The following ZHX2 variants were observed in gnomAD, a reference collection of about 807,000 sequenced individuals.
ZHX2 encodes the protein zinc fingers and homeoboxes 2.
A neutral mutation model predicts 21.9 loss-of-function variants in ZHX2; 6 were observed. The observed-to-expected ratio is 0.27, with a 90% CI of 0.15 to 0.54. ZHX2 has a LOEUF of 0.54. Among genes scored for constraint, ZHX2 ranks in the 20% least tolerant of loss-of-function variants. The pLI is 0.95. For missense variants in ZHX2, 908 were observed against 1,090.7 expected, an observed-to-expected ratio of 0.83 and a Z score of 2.36; for synonymous variants, 434 against 437.1, an observed-to-expected ratio of 0.99 and a Z score of 0.09.
intron 1 of ZHX2, among the ~76,000 whole-genome samples, chr8:122,791,008 A>G (rs1479948991): frequency 1.3e-5 from 2 of 152,182 alleles, no homozygotes; most frequent in Non-Finnish European, 2.9e-5. Context: ...CTTGTGCCAC[A>G]CTGATGTTCA....
chr8:122,814,238 G>T (rs1817985264), intron 1 of ZHX2, among the ~76,000 whole-genome samples: 1 of 152,212 alleles, frequency 6.6e-6, no homozygotes, highest in South Asian at 2.1e-4. Context: ...AAGTAAGCCA[G>T]TTGCTAGGAT....
chr8:122,906,831 C>T (rs374993205), intron 2 of ZHX2, among the ~76,000 whole-genome samples: 87 of 151,838 alleles, frequency 5.7e-4, no homozygotes, highest in East Asian at 9.7e-4. Flanking sequence ...CCACCACGCC[C>T]GGGTAATTTT....
chr8:122,907,730 T>C (rs1292699837), intron 2 of ZHX2, among the ~76,000 whole-genome samples: 1 of 152,174 alleles, frequency 6.6e-6, no homozygotes, highest in East Asian at 1.9e-4. Context: ...TTCCCATCTA[T>C]AAAATGGCTA....
chr8:122,829,544 T>C (rs1478362053), intron 1 of ZHX2, among the ~76,000 whole-genome samples: 1 of 152,224 alleles, frequency 6.6e-6, no homozygotes, highest in Admixed American at 6.5e-5. Flanking sequence ...AAGAACAATA[T>C]GAAAACTCTC....
chr8:122,967,750 G>A (rs1813618403), intron 3 of ZHX2, among the ~76,000 whole-genome samples: 1 of 152,228 alleles, frequency 6.6e-6, no homozygotes, highest in Admixed American at 6.5e-5. Flanking sequence ...ATGAGTTGCT[G>A]TAATGGCTTG....
chr8:122,874,099 G>C (rs905986495), intron 2 of ZHX2, among the ~76,000 whole-genome samples: 3 of 152,150 alleles, frequency 2.0e-5, no homozygotes, highest in African/African-American at 7.2e-5. Context: ...TCTGAGAAGG[G>C]GGAAAGAGTA....
chr8:122,826,007 C>T (rs1293576251), intron 1 of ZHX2, among the ~76,000 whole-genome samples: 1 of 152,172 alleles, frequency 6.6e-6, no homozygotes, highest in Non-Finnish European at 1.5e-5. Flanking sequence ...AGAAAAGAAG[C>T]CCATTATTCC....
chr8:122,899,624 T>C (rs1302001961), intron 2 of ZHX2, among the ~76,000 whole-genome samples: 1 of 152,194 alleles, frequency 6.6e-6, no homozygotes, highest in Non-Finnish European at 1.5e-5. Context: ...ATGAGTTTTT[T>C]GCTGCATTTG....
chr8:122,912,251 A>C (rs917512812), intron 2 of ZHX2, among the ~76,000 whole-genome samples: 4 of 152,200 alleles, frequency 2.6e-5, no homozygotes, highest in African/African-American at 9.6e-5. Context: ...CAGTGGCAGA[A>C]ACGGCCTGGG....
chr8:122,964,285 A>G (rs1310622595), intron 3 of ZHX2, among the ~76,000 whole-genome samples: 1 of 152,204 alleles, frequency 6.6e-6, no homozygotes, highest in Non-Finnish European at 1.5e-5. Flanking sequence ...TGGGTTTGTC[A>G]TAGATGGCTT....
intron 2 of ZHX2, among the ~76,000 whole-genome samples, chr8:122,947,230 A>T (rs1812999667): frequency 6.6e-6 from 1 of 151,026 alleles, no homozygotes; most frequent in Admixed American, 6.6e-5. Context: ...GTGCCATTGC[A>T]CTCCAGCCTG....
rs149316642 is a variant in ZHX2, at chr8:122,968,358, C to T, written c.*5-4884C>T. Among the ~76,000 whole-genome samples, 47 of 152,168 alleles carry T rather than the reference C, an allele frequency of 3.1e-4. No homozygotes were observed. In the East Asian group the frequency reaches 8.3e-3, roughly 27 times the overall value. On this transcript the variant is annotated intron_variant, in intron 3 of 3. Coordinates refer to ENST00000314393, the MANE Select transcript of ZHX2 (RefSeq NM_014943.5). ...ACCACGCAGGGAAGGAGAGCTTTGGCGGGATGTGGCCAAAACTGACTCAAG... is the reference window on the plus strand; with the variant it reads ...ACCACGCAGGGAAGGAGAGCTTTGGTGGGATGTGGCCAAAACTGACTCAAG...
chr8:122,963,759 G>A (rs1215869818), intron 3 of ZHX2, among the ~76,000 whole-genome samples: 4 of 152,244 alleles, frequency 2.6e-5, no homozygotes, highest in African/African-American at 7.2e-5. Flanking sequence ...CCATGAGCAT[G>A]GGATGTGTTT....
chr8:122,809,462 T>A (rs907776752), intron 1 of ZHX2, among the ~76,000 whole-genome samples: 1 of 150,980 alleles, frequency 6.6e-6, no homozygotes, highest in Non-Finnish European at 1.5e-5. Context: ...GTTGCACCAC[T>A]GCACTCCAGC....
At position 122,953,752 on chromosome 8, in the gene ZHX2, AG is replaced by A; in HGVS notation, c.2245del (p.Val749Ter). On this transcript the variant is annotated frameshift_variant, in exon 3 of 4. Coordinates refer to ENST00000314393, the MANE Select transcript of ZHX2 (RefSeq NM_014943.5). LOFTEE classifies it low-confidence loss of function (END_TRUNC). This position sits in a 1 kb window ranked among gnomAD's most constrained non-coding sequence, Gnocchi z 4.6. ...AGAGGACTTGGAGAAGTTGGTGACCAGGGTAAAAGTAGGCAGCGAGCCAGCA... is the reference window on the plus strand; with the variant it reads ...AGAGGACTTGGAGAAGTTGGTGACCAGGTAAAAGTAGGCAGCGAGCCAGCA... Reference protein sequence around the residue: ...CEEDLEKLVTRVKVGSEPAKD... With the variant: ...CEEDLEKLVTXVKVGSEPAKD... The A allele has an allele frequency of 6.2e-7, 1 of 1,614,260 alleles. No individual in the cohort carries two copies. Among genetic ancestry groups the A allele is most frequent in the South Asian group, 1.1e-5 (1 of 91,088 alleles).
intron 2 of ZHX2, among the ~76,000 whole-genome samples, chr8:122,894,055 C>A (rs1426191366): frequency 6.6e-6 from 1 of 152,078 alleles, no homozygotes; most frequent in Admixed American, 6.5e-5. Context: ...AGTGTAGTCT[C>A]CATGTGATTT....
chr8:122,871,035 G>A (rs1819421747), intron 2 of ZHX2, among the ~76,000 whole-genome samples: 1 of 152,144 alleles, frequency 6.6e-6, no homozygotes, highest in African/African-American at 2.4e-5. Context: ...GAGCGGGCAG[G>A]ACGGGGAGCA....
At chr8:122,842,945 G>T (rs1223261080) in intron 1 of ZHX2, among the ~76,000 whole-genome samples, 1 of 152,244 alleles carries the variant, frequency 6.6e-6, no homozygotes, top group Non-Finnish European at 1.5e-5. Flanking sequence ...ACAGGTTGGG[G>T]CAGGTGAGGC....
At chr8:122,794,151 T>C (rs1050528578) in intron 1 of ZHX2, among the ~76,000 whole-genome samples, 1 of 152,206 alleles carries the variant, frequency 6.6e-6, no homozygotes, top group Non-Finnish European at 1.5e-5. Context: ...ATAGTTGTTA[T>C]ATTGATACAT....
Sources: gnomAD v4.1 joint callset for allele counts (sites outside exome capture counted in the v4.1 genomes callset) on GRCh38, gnomAD v4.1.1 for gene constraint, Gnocchi (gnomAD v3.1) non-coding constraint, MANE v1.5 for transcripts, NCBI Gene and HGNC (gene_info 2026-07-23, HGNC 2026-07-21) for gene names.